The following SPEG variants were observed in gnomAD, a reference collection of about 807,000 sequenced individuals.
SPEG encodes the protein striated muscle enriched protein kinase.
In SPEG, 114 loss-of-function variants were observed where a neutral mutation model predicts 300.4. The observed-to-expected ratio is 0.38, with a 90% CI of 0.33 to 0.44. SPEG has a LOEUF of 0.44. Ranked by LOEUF, SPEG falls within the 20% of genes least tolerant of loss-of-function variation. The pLI is 1.00. For missense variants in SPEG, 4,201 were observed against 4,586.2 expected (o/e 0.92, Z 2.43); for synonymous variants, 1,964 against 2,018.9 (o/e 0.97, Z 0.73).
chr2:219,463,860 G>A (rs889658207), intron 8 of SPEG, among the ~76,000 whole-genome samples: 2 of 152,144 alleles, frequency 1.3e-5, no homozygotes, highest in Non-Finnish European at 2.9e-5. Flanking sequence ...AGGGCTCAAT[G>A]TCTGTAATCC....
chr2:219,448,625 C>T lies in SPEG; in HGVS notation c.1467C>T (p.Asp489=). ...ERTRQRSPAS[D]LELRFAQELG... ...CGCGTCAGCGCAGCCCGGCCTCAGA[C>T]CTCGAGCTGCGCTTCGCCCAGGAGC... is the stretch of plus-strand genomic sequence containing the variant. The change falls in exon 4 of 41, where the codon GAC becomes GAT. Residue 489 remains aspartate, a synonymous_variant. Transcript: ENST00000312358. 1 of 1,482,208 alleles carries T rather than the reference C, an allele frequency of 6.7e-7. No homozygotes were observed. The highest frequency in any genetic ancestry group is 2.9e-5 in the East Asian group (1 of 34,692). 91.8% of individuals were successfully genotyped at this position (1,482,208 alleles called of 1,614,324 possible). A position where few individuals can be genotyped will look rare whatever the true frequency, so the allele number is the denominator to read the frequency against.
chr2:219,465,746 G>T, intron 9 of SPEG: 1 of 490,526 alleles, frequency 2.0e-6, no homozygotes, highest in Non-Finnish European at 3.7e-6. Context: ...CTGCCCTGAC[G>T]GTGTGAGAGG....
rs1032644704 is a variant in SPEG, at chr2:219,467,271, G to T, written c.2979G>T (p.Gly993=). Residue 993 remains glycine (G), a synonymous_variant, in exon 10 of 41, where the codon GGG becomes GGT. Coordinates refer to ENST00000312358, the MANE Select transcript of SPEG (RefSeq NM_005876.5). Reference sequence around the variant, plus strand: ...CGCTGTTTGAGTGCCTGGTGGCGGGGCCCACTGACGTGGAGGTGGATTGGC... The same window carrying T: ...CGCTGTTTGAGTGCCTGGTGGCGGGTCCCACTGACGTGGAGGTGGATTGGC... ...EMALFECLVA[G]PTDVEVDWLC... is the part of the protein sequence containing the mutation. The T allele has an allele frequency of 5.6e-6, 9 of 1,608,750 alleles. No homozygotes were observed. Among genetic ancestry groups the T allele is most frequent in the South Asian group, 3.3e-5 (3 of 91,056 alleles).
Position 219,480,689 on chromosome 2 carries a change from C to T in SPEG, c.5361C>T (p.Ala1787=), listed in dbSNP as rs754771135. 7 of 1,613,890 alleles carry T rather than the reference C, an allele frequency of 4.3e-6. No homozygotes were observed. The Admixed American group carries it at 6.7e-5, about 15-fold the overall frequency. ...VTDIWPVGVV[A]FLCLTGISPF... is the part of the protein sequence containing the mutation. ...CCCACAGGCCTGTGGGTGTTGTTGC[C>T]TTCCTCTGGTAAGGACCCCTCTGCA... is the stretch of plus-strand genomic sequence containing the variant. Residue 1787 remains alanine, a synonymous_variant, in exon 26 of 41, where the codon GCC becomes GCT. Coordinates refer to ENST00000312358, the MANE Select transcript of SPEG (RefSeq NM_005876.5). The surrounding 1 kb of genome is among the most constrained non-coding windows in gnomAD (Gnocchi z 5.3).
At chr2:219,455,412 G>A (rs564012827) in intron 6 of SPEG, among the ~76,000 whole-genome samples, 2 of 152,306 alleles carry the variant, frequency 1.3e-5, no homozygotes, top group African/African-American at 4.8e-5. Flanking sequence ...AGCTACATGT[G>A]GTTAGTGAGC....
intron 9 of SPEG, chr2:219,466,112 CCT>C (rs920261448): frequency 5.7e-6 from 9 of 1,589,540 alleles, no homozygotes; most frequent in Non-Finnish European, 7.7e-6. Context: ...GAGCCGCGCC[CCT>C]GTCTCAGGCA....
At position 219,491,808 on chromosome 2, in the gene SPEG, A is replaced by T. The variant is rs1336566083; in HGVS notation, c.9400A>T (p.Lys3134Ter). ...TCTCCTGTCAGCTCCGGAGATGGTG[A>T]AGGGAGAACCCATCGGCTCTGCCAC... ...TLEFMAPEMV[K>*]GEPIGSATDI... The change falls in exon 39 of 41, where the codon AAG (lysine) becomes TAG (stop). Residue 3134 changes from lysine (K) to a stop codon, truncating the protein, a stop_gained. Transcript: ENST00000312358. LOFTEE classifies it high-confidence loss of function. 6.2e-7 allele frequency: 1 copy of T among 1,613,132 alleles called. No individual in the cohort carries two copies. The highest frequency in any genetic ancestry group is 1.1e-5 in the South Asian group (1 of 91,038).
Position 219,482,861 on chromosome 2 carries a change from G to A in SPEG, c.5634+9G>A. ...CCCGGCGGAGGTGGCAGGTAAGTGTGGCAGGCCAGCCTCTGTGCTTTCCAC... is the reference window on the plus strand; with the variant it reads ...CCCGGCGGAGGTGGCAGGTAAGTGTAGCAGGCCAGCCTCTGTGCTTTCCAC... On this transcript the variant is annotated intron_variant, in intron 29 of 40. Transcript: ENST00000312358. The A allele has an allele frequency of 5.0e-6, 8 of 1,613,176 alleles. No individual in the cohort carries two copies. Among genetic ancestry groups the A allele is most frequent in the Non-Finnish European group, 6.8e-6 (8 of 1,179,490 alleles).
rs895094839 is a variant in SPEG at position 219,483,494 on chromosome 2, C to T, written c.6031C>T (p.Arg2011Cys). The T allele has an allele frequency of 1.4e-5, 20 of 1,434,530 alleles. No homozygotes were observed. The Admixed American group carries it at 2.8e-4, about 20-fold the overall frequency. 88.9% of individuals were successfully genotyped at this position (1,434,530 alleles called of 1,614,324 possible). Residue 2011 changes from arginine (R) to cysteine (C), a missense_variant, in exon 30 of 41, where the codon CGC (arginine) becomes TGC (cysteine). Around this residue, in one of 4 missense-constraint regions of SPEG, gnomAD observed 1,578 missense variants for 1,506.0 expected, o/e 1.05. Transcript: ENST00000312358. Reference protein sequence around the residue: ...AGASPRRGELRRGSSAESALP... With the variant: ...AGASPRRGELCRGSSAESALP... ...GGCTAGCCCCAGGCGGGGAGAGCTCCGCAGGGGCAGCTCGGCTGAGAGCGC... is the reference window on the plus strand; with the variant it reads ...GGCTAGCCCCAGGCGGGGAGAGCTCTGCAGGGGCAGCTCGGCTGAGAGCGC...
In SPEG at chr2:219,492,763, C is replaced by T. The variant is rs768237231; in HGVS notation, c.9781C>T (p.Arg3261Cys). The T allele has an allele frequency of 3.5e-5, 56 of 1,598,478 alleles. No homozygotes were observed. The highest frequency in any genetic ancestry group is 1.7e-4 in the South Asian group (15 of 90,538). Residue 3261 changes from arginine to cysteine, a missense_variant, in exon 41 of 41, where the codon CGC (arginine) becomes TGC (cysteine). Arg to Cys is a radical substitution (Grantham distance 180, BLOSUM62 -3). This residue lies in a region of SPEG where 318 missense variants were observed against 429.5 expected (regional missense o/e 0.74). Coordinates refer to ENST00000312358, the MANE Select transcript of SPEG (RefSeq NM_005876.5). The stretch of plus-strand genomic sequence containing the variant: ...TGCCACCCGCCACAAGGTGCTGCTG[C>T]GCTCCTACCCTGGCGGCCCCTAGAG... ...EAATRHKVLL[R>C]SYPGGP
chr2:219,485,435 G>A lies in SPEG; in HGVS notation c.7699G>A (p.Val2567Ile), dbSNP rs532705970. The A allele has an allele frequency of 6.2e-6, 10 of 1,604,026 alleles. No individual in the cohort carries two copies. The South Asian group carries it at 6.7e-5, about 11-fold the overall frequency. ...GLSPPNLSAS[V>I]QEELGHQYVR... ...ATCGCCACCAAACCTCTCTGCCAGCGTCCAGGAGGAGTTGGGTCACCAGTA... is the reference window on the plus strand; with the variant it reads ...ATCGCCACCAAACCTCTCTGCCAGCATCCAGGAGGAGTTGGGTCACCAGTA... The change falls in exon 31 of 41, where the codon GTC (valine) becomes ATC (isoleucine). Residue 2567 changes from valine to isoleucine, a missense_variant. Physicochemically the swap from Val to Ile is conservative, Grantham distance 29. Coordinates refer to ENST00000312358, the MANE Select transcript of SPEG (RefSeq NM_005876.5).
Position 219,473,728 on chromosome 2 carries a change from C to G in SPEG, c.4272C>G (p.Ser1424Arg). Residue 1424 changes from serine (S) to arginine (R), a missense_variant and splice_region_variant, in exon 18 of 41, where the codon AGC becomes AGG. Physicochemically the swap from Ser to Arg is moderately radical, Grantham distance 110 (BLOSUM62 -1). Around this residue, in one of 4 missense-constraint regions of SPEG, gnomAD observed 1,047 missense variants for 1,356.8 expected, o/e 0.77. Coordinates refer to ENST00000312358, the MANE Select transcript of SPEG (RefSeq NM_005876.5). This position sits in a 1 kb window ranked among gnomAD's most constrained non-coding sequence, Gnocchi z 4.6. ...GACCTCCCTGTCATGTGTCCCCTAG[C>G]TGCCGAGGGGCCCTCCTAGAGGCAC... The part of the protein sequence containing the change: ...NHVEAQVVWR[S>R]CRGALLEARA... 6.2e-7 allele frequency: 1 copy of G among 1,612,832 alleles called. No homozygotes were observed. Among genetic ancestry groups the G allele is most frequent in the African/African-American group, 1.3e-5 (1 of 75,044 alleles).
Position 219,451,042 on chromosome 2 carries a change from GGCTTTCTAGGAT to G in SPEG, c.2114-91_2114-80del. On this transcript the variant is annotated intron_variant, in intron 4 of 40. Coordinates refer to ENST00000312358, the MANE Select transcript of SPEG (RefSeq NM_005876.5). The surrounding 1 kb of genome is among the most constrained non-coding windows in gnomAD (Gnocchi z 6.4). ...TCTAGAAGCCCCTCTGTCTGGGTTT[GGCTTTCTAGGAT>G]GCAGGCCACCAGGACTCTCTCTCCC... is the stretch of plus-strand genomic sequence containing the variant. The G allele has an allele frequency of 1.5e-6, 2 of 1,344,492 alleles. No individual in the cohort carries two copies. Among genetic ancestry groups the G allele is most frequent in the Non-Finnish European group, 2.0e-6 (2 of 1,008,796 alleles). 83.3% of individuals were successfully genotyped at this position (1,344,492 alleles called of 1,614,324 possible).
At chr2:219,476,326 G>A (rs1161916858) in intron 18 of SPEG, among the ~76,000 whole-genome samples, 3 of 152,200 alleles carry the variant, frequency 2.0e-5, no homozygotes, top group Admixed American at 2.0e-4. Flanking sequence ...CTTCAAGGTA[G>A]AGGCAATGCC....
chr2:219,469,526 C>A (rs1408443015), intron 13 of SPEG, 147 bp downstream of exon 13: 1 of 673,140 alleles, frequency 1.5e-6, no homozygotes, highest in African/African-American at 1.8e-5. Flanking sequence ...CCCGGAGGGA[C>A]TGTGAGGTCA....
rs200019114 is a variant in SPEG, at chr2:219,492,164, G to A, written c.9515G>A (p.Arg3172Gln). The change falls in exon 40 of 41, where the codon CGG (arginine) becomes CAG (glutamine). Residue 3172 changes from arginine to glutamine, a missense_variant. Arg to Gln is a conservative substitution (Grantham distance 43, BLOSUM62 1). Coordinates refer to ENST00000312358, the MANE Select transcript of SPEG (RefSeq NM_005876.5). Reference sequence around the variant, plus strand: ...CCAGACCCCCAGGAAACGGAGGCTCGGATTGTGGGGGGCCGCTTTGATGCC... The same window carrying A: ...CCAGACCCCCAGGAAACGGAGGCTCAGATTGTGGGGGGCCGCTTTGATGCC... The part of the protein sequence containing the change: ...YEPDPQETEA[R>Q]IVGGRFDAFQ... The A allele has an allele frequency of 9.9e-6, 16 of 1,613,598 alleles. No homozygotes were observed. Among genetic ancestry groups the A allele is most frequent in the African/African-American group, 1.3e-5 (1 of 74,904 alleles).
rs1689167254 is a variant in SPEG, at chr2:219,444,901, G to A, written c.555G>A (p.Val185=). 6.4e-7 allele frequency: 1 copy of A among 1,574,032 alleles called. No individual in the cohort carries two copies. The highest frequency in any genetic ancestry group is 1.2e-5 in the South Asian group (1 of 82,644). ...TGACAGGCACCTCAGAGGAGCAAGTGAGCTGGTGGGGCAGCGGGCAGACGG... is the reference window on the plus strand; with the variant it reads ...TGACAGGCACCTCAGAGGAGCAAGTAAGCTGGTGGGGCAGCGGGCAGACGG... ...TSVTGTSEEQ[V]SWWGSGQTVL... The change falls in exon 3 of 41, where the codon GTG becomes GTA. Residue 185 remains valine, a synonymous_variant. Coordinates refer to ENST00000312358, the MANE Select transcript of SPEG (RefSeq NM_005876.5). The surrounding 1 kb of genome is among the most constrained non-coding windows in gnomAD (Gnocchi z 7.8).
chr2:219,456,806 G>A (rs563130511), intron 6 of SPEG, among the ~76,000 whole-genome samples: 2 of 151,956 alleles, frequency 1.3e-5, no homozygotes, highest in East Asian at 3.9e-4. Context: ...CTACTTGGGA[G>A]GCTGAGACAG....
rs1419877385 is a variant in SPEG, at chr2:219,443,298, A to AC, written c.389-1353dup. The AC allele has an allele frequency of 2.2e-5, 19 of 850,548 alleles. No homozygotes were observed. In the African/African-American group the frequency reaches 3.0e-4, roughly 13 times the overall value. 52.7% of individuals were successfully genotyped at this position (850,548 alleles called of 1,614,324 possible). A position where few individuals can be genotyped will look rare whatever the true frequency, so the allele number is the denominator to read the frequency against. On this transcript the variant is annotated intron_variant, in intron 1 of 40. Transcript: ENST00000312358. The surrounding 1 kb of genome is among the most constrained non-coding windows in gnomAD (Gnocchi z 4.6). ...CCCACACTTATCTACCACCCACCCGACCAGGCCCCCTGTGCCCTACAGCTG... is the reference window on the plus strand; with the variant it reads ...CCCACACTTATCTACCACCCACCCGACCCAGGCCCCCTGTGCCCTACAGCTG...
Sources: gnomAD v4.1 joint callset for allele counts (sites outside exome capture counted in the v4.1 genomes callset) on GRCh38, gnomAD v4.1.1 for gene constraint, gnomAD v4.1.1 regional missense constraint, Gnocchi (gnomAD v3.1) non-coding constraint, MANE v1.5 for transcripts, NCBI Gene and HGNC (gene_info 2026-07-23, HGNC 2026-07-21) for gene names.